MAJIN: variants seen among roughly 807,000 people sequenced by gnomAD.
MAJIN encodes membrane-anchored junction protein.
Under a neutral mutation model 30.2 loss-of-function variants are expected in MAJIN, and 27 were observed. The observed-to-expected ratio is 0.89, with a 90% confidence interval of 0.66 to 1.23. The LOEUF (loss-of-function observed/expected upper bound fraction) is 1.23, where lower values mean the gene tolerates loss of function less well. MAJIN is among the 50% of genes most tolerant of loss of function. MAJIN has a pLI of 0.00. For synonymous variants in MAJIN, 78 were observed against 91.6 expected (o/e 0.85, Z 0.85); for missense variants, 253 against 260.3 (o/e 0.97, Z 0.19).
At chr11:64,965,727 CG>C (rs1319856219) in intron 1 of MAJIN, among the ~76,000 whole-genome samples, 1 of 152,034 alleles carries the variant, frequency 6.6e-6, no homozygotes, top group African/African-American at 2.4e-5. Context: ...GAGGCCGAGG[CG>C]GGCTGATCAC....
At chr11:64,955,288 A>G (rs1248016190) in intron 3 of MAJIN, among the ~76,000 whole-genome samples, 1 of 152,146 alleles carries the variant, frequency 6.6e-6, no homozygotes, top group Admixed American at 6.5e-5. Context: ...GAAAAAAAAA[A>G]AATCCAGTTT....
chr11:64,966,935 A>G (rs1317365216), intron 1 of MAJIN, among the ~76,000 whole-genome samples: 5 of 151,648 alleles, frequency 3.3e-5, no homozygotes, highest in Admixed American at 1.3e-4. Context: ...GTCTCAAAAA[A>G]AAAAAAAAAA....
chr11:64,949,961 A>C lies in MAJIN; in HGVS notation c.224-93T>G, dbSNP rs184715268. On this transcript the variant is annotated intron_variant, in intron 5 of 10. Coordinates refer to ENST00000301896, the MANE Select transcript of MAJIN (RefSeq NM_001037225.3). ...AGACTCTCTCTCCTTCCCCTGACCT[A>C]CCCTCCAAACTGCCTATGGTTTTGC... 20 of 1,470,484 alleles carry C rather than the reference A, an allele frequency of 1.4e-5. 1 individual carries two copies. The Admixed American group carries it at 3.3e-4, about 24-fold the overall frequency. 91.1% of individuals were successfully genotyped at this position (1,470,484 alleles called of 1,614,324 possible).
chr11:64,965,306 C>A (rs112285092), intron 1 of MAJIN, among the ~76,000 whole-genome samples: 1 of 152,128 alleles, frequency 6.6e-6, no homozygotes, highest in African/African-American at 2.4e-5. Flanking sequence ...ATAACTAAAC[C>A]TTGTTTGGGG....
At chr11:64,954,856 G>A (rs1168427103) in intron 3 of MAJIN, 54 bp from the exon 4 acceptor site, 2 of 1,500,976 alleles carry the variant, frequency 1.3e-6, no homozygotes, top group Admixed American at 4.1e-5. Flanking sequence ...GCTCTGGAGA[G>A]AGTAGACTCT....
In MAJIN at chr11:64,949,734, TC is replaced by T; in HGVS notation, c.349+8del. 1 of 1,612,294 alleles carries T rather than the reference TC, an allele frequency of 6.2e-7. No homozygotes were observed. The stretch of plus-strand genomic sequence containing the variant: ...TCTCTGCCATCCACATTCACATCAT[TC>T]CACTTACCAGGTGACAGGTTTTCAT... On this transcript the variant is annotated splice_region_variant and intron_variant, in intron 6 of 10. Transcript: ENST00000301896.
In MAJIN at chr11:64,949,857, A is replaced by T. The variant is rs1291373186; in HGVS notation, c.235T>A (p.Trp79Arg). 1 of 1,604,164 alleles carries T rather than the reference A, an allele frequency of 6.2e-7. No homozygotes were observed. The highest frequency in any genetic ancestry group is 8.5e-7 in the Non-Finnish European group (1 of 1,179,912). Reference sequence around the variant, plus strand: ...AATTTCAGGTGGGAAACTCTCTCCCATTTGCTTTTATCTGGAAAATGGTGC... The same window carrying T: ...AATTTCAGGTGGGAAACTCTCTCCCTTTTGCTTTTATCTGGAAAATGGTGC... ...HFIVFPYKSK[W>R]ERVSHLKFKH... The change falls in exon 6 of 11, where the codon TGG (tryptophan) becomes AGG (arginine). Residue 79 changes from tryptophan (W) to arginine (R), a missense_variant. Physicochemically the swap from Trp to Arg is moderately radical, Grantham distance 101. Transcript: ENST00000301896.
chr11:64,939,085 C>A (rs1188148480), intron 10 of MAJIN, among the ~76,000 whole-genome samples: 1 of 152,100 alleles, frequency 6.6e-6, no homozygotes, highest in Non-Finnish European at 1.5e-5. Context: ...CATTCCACCA[C>A]ATCCGGCTAA....
chr11:64,944,073 A>G (rs1486698953), intron 8 of MAJIN, among the ~76,000 whole-genome samples: 1 of 152,260 alleles, frequency 6.6e-6, no homozygotes, highest in Non-Finnish European at 1.5e-5. Flanking sequence ...CCTAGAAAAA[A>G]GAAATCAGGG....
At chr11:64,968,906 T>C (rs74365834) in intron 1 of MAJIN, among the ~76,000 whole-genome samples, 5,388 of 151,696 alleles carry the variant, frequency 0.036, 205 homozygotes, top group South Asian at 0.19. Context: ...GAAAGGAAGA[T>C]GAACTGTAAG....
chr11:64,946,196 G>C (rs1945449353), intron 8 of MAJIN: 2 of 1,505,640 alleles, frequency 1.3e-6, no homozygotes, highest in Non-Finnish European at 1.8e-6. Flanking sequence ...ACTGGCAGAG[G>C]CAATATCACT....
At chr11:64,946,660 TTC>T (rs1945456953) in intron 8 of MAJIN, among the ~76,000 whole-genome samples, 1 of 152,122 alleles carries the variant, frequency 6.6e-6, no homozygotes, top group African/African-American at 2.4e-5. Context: ...AGGGTAGCTG[TTC>T]TCTGTGGGCC....
At position 64,952,894 on chromosome 11, in the gene MAJIN, G is replaced by A. The variant is rs138030785; in HGVS notation, c.147+1863C>T. Among the ~76,000 whole-genome samples the A allele has an allele frequency of 4.8e-3, 733 of 151,912 alleles. 2 individuals are homozygous for A. Among genetic ancestry groups the A allele is most frequent in the African/African-American group, 0.014 (574 of 41,404 alleles). On this transcript the variant is annotated intron_variant, in intron 4 of 10. Coordinates refer to ENST00000301896, the MANE Select transcript of MAJIN (RefSeq NM_001037225.3). ...TAATTTTTGTATTTTTAGTAGAGAC[G>A]GGGTTTCGCCATGTTGGCCAGTCTG...
intron 4 of MAJIN, among the ~76,000 whole-genome samples, chr11:64,952,424 G>C (rs1157185629): frequency 6.6e-6 from 1 of 152,126 alleles, no homozygotes; most frequent in Non-Finnish European, 1.5e-5. Flanking sequence ...CTGACCTCAG[G>C]TGATCCACCC....
chr11:64,949,633 C>T, intron 6 of MAJIN, 110 bp downstream of exon 6: 1 of 1,398,362 alleles, frequency 7.2e-7, no homozygotes, highest in Non-Finnish European at 9.8e-7. Flanking sequence ...TGATCCTGAC[C>T]TGTGCACTGT....
At chr11:64,949,599 C>A (rs901936448) in intron 6 of MAJIN, 144 bp downstream of exon 6, 67 of 995,830 alleles carry the variant, frequency 6.7e-5, no homozygotes, top group Non-Finnish European at 7.7e-5. Context: ...AGTATTTGAA[C>A]CGGTCAGTCT....
rs187635449 is a variant in MAJIN, at chr11:64,957,033, C to T, written c.102-2231G>A. ...CCGCCTGCCTCGGCCTCCCAAAGTG[C>T]TGGGATTACAGGCGTGAGCCACCGC... On this transcript the variant is annotated intron_variant, in intron 3 of 10. Coordinates refer to ENST00000301896, the MANE Select transcript of MAJIN (RefSeq NM_001037225.3). Among the ~76,000 whole-genome samples, 616 of 152,022 alleles carry T rather than the reference C, an allele frequency of 4.1e-3. 7 individuals are homozygous for T. Among genetic ancestry groups the T allele is most frequent in the Non-Finnish European group, 6.5e-3 (441 of 67,964 alleles).
chr11:64,959,492 C>A, intron 2 of MAJIN, 70 bp from the exon 3 acceptor site: 3 of 1,225,084 alleles, frequency 2.4e-6, no homozygotes, highest in Non-Finnish European at 3.5e-6. Context: ...AGGGAACCTG[C>A]CCAATCTGTA....
chr11:64,940,835 C>CTTTCTTT (rs1945364929), intron 8 of MAJIN, among the ~76,000 whole-genome samples, 189 bp from the exon 9 acceptor site: 2 of 88,564 alleles, frequency 2.3e-5, no homozygotes, highest in African/African-American at 9.7e-5. Flanking sequence ...TTTTTTCTTT[C>CTTTCTTT]TTTTTTTTTT....
Sources: gnomAD v4.1 joint callset for allele counts (sites outside exome capture counted in the v4.1 genomes callset) on GRCh38, gnomAD v4.1.1 for gene constraint, MANE v1.5 for transcripts, NCBI Gene and HGNC (gene_info 2026-07-23, HGNC 2026-07-21) for gene names.